PTPRD: variants seen among roughly 807,000 people sequenced by gnomAD.
The protein encoded by PTPRD is protein tyrosine phosphatase receptor type D.
PTPRD carries 34 observed loss-of-function variants against 214.5 expected under a neutral mutation model. The observed-to-expected ratio is 0.16, with a 90% CI of 0.12 to 0.21. The LOEUF (loss-of-function observed/expected upper bound fraction) is 0.21, where lower values mean the gene tolerates loss of function less well. Ranked by LOEUF, PTPRD falls within the 10% of genes least tolerant of loss-of-function variation. PTPRD has a pLI of 1.00. For missense variants in PTPRD, 2,545 were observed against 2,398.7 expected, an observed-to-expected ratio of 1.06 and a Z score of -1.27; for synonymous variants, 1,128 against 845.7, an observed-to-expected ratio of 1.33 and a Z score of -5.79.
At chr9:10,507,515 A>C in intron 2 of PTPRD, among the ~76,000 whole-genome samples, 1 of 152,144 alleles carries the variant, frequency 6.6e-6, no homozygotes. Context: ...AAAAGAACAA[A>C]GCTGGAGGAA....
At chr9:9,165,832 G>C (rs1435358846) in intron 10 of PTPRD, among the ~76,000 whole-genome samples, 2 of 152,148 alleles carry the variant, frequency 1.3e-5, no homozygotes, top group Non-Finnish European at 1.5e-5. Flanking sequence ...AAAAGATACT[G>C]ATGTAGATAT....
At chr9:9,226,038 A>G (rs1174925798) in intron 9 of PTPRD, among the ~76,000 whole-genome samples, 1 of 152,038 alleles carries the variant, frequency 6.6e-6, no homozygotes. Flanking sequence ...ATTGCACATA[A>G]GAAAATAATA....
chr9:8,991,218 CAAAAA>C (rs575292337), intron 11 of PTPRD, among the ~76,000 whole-genome samples: 1 of 57,416 alleles, frequency 1.7e-5, no homozygotes, highest in Non-Finnish European at 3.6e-5. Flanking sequence ...CACTCTGTCT[CAAAAA>C]AAAAAAAAAA....
chr9:8,769,473 G>C (rs181553356), intron 11 of PTPRD, among the ~76,000 whole-genome samples: 15 of 152,260 alleles, frequency 9.9e-5, no homozygotes, highest in Admixed American at 8.5e-4. Flanking sequence ...GTGTGATTTG[G>C]CCGAGGCAGT....
intron 3 of PTPRD, among the ~76,000 whole-genome samples, chr9:10,254,372 TATATTTGTTTA>T (rs1384315121): frequency 1.3e-5 from 2 of 152,192 alleles, no homozygotes; most frequent in Non-Finnish European, 2.9e-5. Flanking sequence ...CATAATAAAA[TATATTTGTTTA>T]ATATTTGGGC....
intron 3 of PTPRD, among the ~76,000 whole-genome samples, chr9:10,171,842 G>A (rs1441264588): frequency 6.6e-5 from 10 of 152,032 alleles, no homozygotes; most frequent in Admixed American, 5.2e-4. Context: ...TTTATTAGCA[G>A]TGTGAAAATG....
intron 6 of PTPRD, among the ~76,000 whole-genome samples, chr9:9,737,903 C>G (rs986215527): frequency 9.9e-5 from 15 of 152,168 alleles, no homozygotes; most frequent in Admixed American, 7.9e-4. Context: ...AACTGCCAAA[C>G]TGTCTTCCAC....
intron 10 of PTPRD, among the ~76,000 whole-genome samples, chr9:9,047,014 A>G (rs1209972661): frequency 6.6e-6 from 1 of 152,196 alleles, no homozygotes; most frequent in Non-Finnish European, 1.5e-5. Flanking sequence ...TATATTTGGA[A>G]AAACCTACAG....
chr9:9,473,261 A>G (rs2094760706), intron 8 of PTPRD, among the ~76,000 whole-genome samples: 1 of 152,132 alleles, frequency 6.6e-6, no homozygotes, highest in Admixed American at 6.6e-5. Flanking sequence ...ATTTCACTTA[A>G]CATAATGTCC....
intron 9 of PTPRD, among the ~76,000 whole-genome samples, chr9:9,335,653 C>T (rs888846571): frequency 2.6e-5 from 4 of 152,034 alleles, no homozygotes; most frequent in Non-Finnish European, 5.9e-5. Context: ...TTACACACAT[C>T]AATCACATAT....
At chr9:10,353,870 C>A (rs887566170) in intron 2 of PTPRD, among the ~76,000 whole-genome samples, 2 of 151,740 alleles carry the variant, frequency 1.3e-5, no homozygotes, top group Admixed American at 1.3e-4. Flanking sequence ...AAAACACAAC[C>A]AATAACTATT....
intron 3 of PTPRD, among the ~76,000 whole-genome samples, chr9:10,131,528 C>T (rs10958906): frequency 0.15 from 22,572 of 152,136 alleles, 1,753 homozygotes; most frequent in South Asian, 0.27. Flanking sequence ...AACAAAATAA[C>T]ACATGTAATG....
chr9:8,826,937 T>C (rs1479082044), intron 11 of PTPRD, among the ~76,000 whole-genome samples: 1 of 152,070 alleles, frequency 6.6e-6, no homozygotes, highest in Non-Finnish European at 1.5e-5. Flanking sequence ...CCTTGACACA[T>C]GTTTCTCCTT....
intron 9 of PTPRD, among the ~76,000 whole-genome samples, chr9:9,220,738 G>C (rs1411582979): frequency 6.6e-6 from 1 of 152,008 alleles, no homozygotes; most frequent in East Asian, 1.9e-4. Flanking sequence ...ACTATATGTA[G>C]GAATGTGGGT....
intron 11 of PTPRD, among the ~76,000 whole-genome samples, chr9:8,839,422 T>A (rs2154532205): frequency 6.6e-6 from 1 of 152,264 alleles, no homozygotes; most frequent in African/African-American, 2.4e-5. Flanking sequence ...GCCTCCAGGT[T>A]CAAGCAATTC....
At chr9:8,748,520 T>C (rs1224830619) in intron 11 of PTPRD, among the ~76,000 whole-genome samples, 1 of 18,966 alleles carries the variant, frequency 5.3e-5, no homozygotes, top group African/African-American at 1.4e-4. Context: ...ATCCTGCAAC[T>C]GCAAAAAAAA....
chr9:9,702,788 C>A (rs2154415264), intron 7 of PTPRD, among the ~76,000 whole-genome samples: 1 of 152,208 alleles, frequency 6.6e-6, no homozygotes, highest in East Asian at 1.9e-4. Context: ...TCAATTAATA[C>A]ACTTAATGGC....
chr9:10,227,659 G>C (rs1286084543), intron 3 of PTPRD, among the ~76,000 whole-genome samples: 1 of 151,806 alleles, frequency 6.6e-6, no homozygotes, highest in Non-Finnish European at 1.5e-5. Flanking sequence ...ATAATGTTCT[G>C]TTACTTCTGA....
At chr9:8,843,005 C>CA (rs2097590496) in intron 11 of PTPRD, among the ~76,000 whole-genome samples, 1 of 152,172 alleles carries the variant, frequency 6.6e-6, no homozygotes, top group African/African-American at 2.4e-5. Context: ...CATTCACTCT[C>CA]ACAGCATCCT....
Sources: gnomAD v4.1 joint callset for allele counts (sites outside exome capture counted in the v4.1 genomes callset) on GRCh38, gnomAD v4.1.1 for gene constraint, MANE v1.5 for transcripts, NCBI Gene and HGNC (gene_info 2026-07-23, HGNC 2026-07-21) for gene names.